The following ATP13A4 variants were observed in gnomAD, a reference collection of about 807,000 sequenced individuals.
ATP13A4 encodes the protein probable cation-transporting ATPase 13A4.
Under a neutral mutation model 142.5 loss-of-function variants are expected in ATP13A4, and 114 were observed. The observed-to-expected ratio is 0.80, with a 90% confidence interval of 0.69 to 0.93. The LOEUF is 0.93. ATP13A4 is among the 40% of genes least tolerant of loss of function. ATP13A4 has a pLI of 0.00. For synonymous variants in ATP13A4, 488 were observed against 514.8 expected (o/e 0.95, Z 0.70); for missense variants, 1,392 against 1,454.0 (o/e 0.96, Z 0.69).
intron 21 of ATP13A4, 108 bp from the exon 22 acceptor site, chr3:193,439,173 T>A: frequency 1.7e-6 from 2 of 1,191,704 alleles, no homozygotes; most frequent in Non-Finnish European, 2.5e-6. Context: ...ACTCATTATT[T>A]AAGGGAATTT....
In ATP13A4 at chr3:193,580,874, T is replaced by C. The variant is rs34409686; in HGVS notation, n.291+833A>G. Among the ~76,000 whole-genome samples, 675 of 152,240 alleles carry C rather than the reference T, an allele frequency of 4.4e-3. 7 individuals are homozygous for C. The highest frequency in any genetic ancestry group is 0.01 in the Middle Eastern group (3 of 294). ...GCTTTTAATGATGGGAAGGTTGAAA[T>C]AGAGTGAAGAAAAGCAGTGTTGTGC... On this transcript the variant is annotated intron_variant and non_coding_transcript_variant, in intron 2 of 3. Coordinates refer to the ATP13A4 transcript ENST00000489140.
chr3:193,581,559 G>C lies in ATP13A4; in HGVS notation n.291+148C>G, dbSNP rs192493943. 487 of 152,290 alleles carry C rather than the reference G, an allele frequency of 3.2e-3. 4 individuals are homozygous for C. The highest frequency in any genetic ancestry group is 5.0e-3 in the South Asian group (24 of 4,820). The allele number at this position is 152,290 out of a possible 1,614,324, so 9.4% of individuals were successfully genotyped here. ...TAATTCCTTATGCTTAGTAGTCACA[G>C]GTAATCTCTGAAGTCCCCCAAATTC... is the stretch of plus-strand genomic sequence containing the variant. On this transcript the variant is annotated intron_variant and non_coding_transcript_variant, in intron 2 of 3. Coordinates refer to the ATP13A4 transcript ENST00000489140.
intron 17 of ATP13A4, among the ~76,000 whole-genome samples, chr3:193,453,726 C>T (rs1231685708): frequency 6.6e-6 from 1 of 151,640 alleles, no homozygotes; most frequent in Non-Finnish European, 1.5e-5. Flanking sequence ...TAATTCCCAA[C>T]CAATCCACCA....
At chr3:193,527,288 T>C (rs1470992819) in intron 1 of ATP13A4, among the ~76,000 whole-genome samples, 1 of 152,006 alleles carries the variant, frequency 6.6e-6, no homozygotes, top group Non-Finnish European at 1.5e-5. Flanking sequence ...TGATAGTGAG[T>C]GAGATCTCAC....
At chr3:193,574,197 T>C (rs1273036228) in intron 2 of ATP13A4, among the ~76,000 whole-genome samples, 1 of 152,120 alleles carries the variant, frequency 6.6e-6, no homozygotes, top group African/African-American at 2.4e-5. Context: ...AAATTACATA[T>C]AAAAAAGAAA....
At chr3:193,468,806 G>T (rs1171962635) in intron 9 of ATP13A4, among the ~76,000 whole-genome samples, 1 of 152,196 alleles carries the variant, frequency 6.6e-6, no homozygotes, top group African/African-American at 2.4e-5. Flanking sequence ...GTTTGTATTG[G>T]CAGGTCATAG....
At chr3:193,420,660 AG>A (rs1343080345) in intron 25 of ATP13A4, among the ~76,000 whole-genome samples, 71 of 149,932 alleles carry the variant, frequency 4.7e-4, no homozygotes, top group Admixed American at 2.1e-4. Context: ...TAGGAAAATT[AG>A]GAGAAGAGTT....
chr3:193,491,039 A>G (rs9863516), intron 6 of ATP13A4, among the ~76,000 whole-genome samples: 47,026 of 152,090 alleles, frequency 0.31, 7,349 homozygotes, highest in South Asian at 0.38. Context: ...AAGTTAAAAC[A>G]AGTTAAGCAG....
intron 1 of ATP13A4, chr3:193,553,601 G>C (rs1723715657): frequency 6.6e-6 from 1 of 152,174 alleles, no homozygotes; most frequent in African/African-American, 2.4e-5. Flanking sequence ...ATTTGTGGAG[G>C]GGCTGAAGGC....
At chr3:193,539,681 C>T (rs1396552215) in intron 1 of ATP13A4, among the ~76,000 whole-genome samples, 1 of 152,082 alleles carries the variant, frequency 6.6e-6, no homozygotes, top group Non-Finnish European at 1.5e-5. Context: ...ACCTGCTCAC[C>T]ATGGAACACA....
At chr3:193,517,511 C>T (rs184395633) in intron 1 of ATP13A4, among the ~76,000 whole-genome samples, 91 of 152,312 alleles carry the variant, frequency 6.0e-4, no homozygotes, top group African/African-American at 2.1e-3. Flanking sequence ...GACGGAGTTT[C>T]GCTCTGTCGC....
chr3:193,528,949 C>G (rs559811427), intron 1 of ATP13A4, among the ~76,000 whole-genome samples: 1 of 152,080 alleles, frequency 6.6e-6, no homozygotes, highest in African/African-American at 2.4e-5. Context: ...ATGGACCTAC[C>G]GATGTCCTCT....
At position 193,483,933 on chromosome 3, in the gene ATP13A4, T is replaced by TA; in HGVS notation, c.808+2dup. 6.3e-7 allele frequency: 1 copy of TA among 1,583,290 alleles called. No homozygotes were observed. The highest frequency in any genetic ancestry group is 8.7e-7 in the Non-Finnish European group (1 of 1,152,134). On this transcript the variant is annotated splice_region_variant and intron_variant, in intron 8 of 29. Coordinates refer to ENST00000342695, the MANE Select transcript of ATP13A4 (RefSeq NM_032279.4). Reference sequence around the variant, plus strand: ...CATATAGATCTAAAATAATGGAACTTACCTTTTCTCCCACATACAGAGACC... The same window carrying TA: ...CATATAGATCTAAAATAATGGAACTTAACCTTTTCTCCCACATACAGAGACC...
At chr3:193,478,024 TA>T (rs1307950931) in intron 8 of ATP13A4, among the ~76,000 whole-genome samples, 2 of 151,560 alleles carry the variant, frequency 1.3e-5, no homozygotes, top group Non-Finnish European at 2.9e-5. Context: ...GCCAAAGAAA[TA>T]AAAAACCTAA....
intron 1 of ATP13A4, among the ~76,000 whole-genome samples, chr3:193,582,614 T>C (rs1390700633): frequency 9.7e-6 from 1 of 103,374 alleles, no homozygotes. Context: ...TACATGTATA[T>C]TATATATGTA....
At chr3:193,416,638 G>A (rs1715077562) in intron 25 of ATP13A4, among the ~76,000 whole-genome samples, 1 of 151,892 alleles carries the variant, frequency 6.6e-6, no homozygotes, top group Non-Finnish European at 1.5e-5. Flanking sequence ...AAGAATCAGT[G>A]AACTTGAAGG....
Position 193,465,569 on chromosome 3 carries a change from C to T in ATP13A4, c.1273-441G>A, listed in dbSNP as rs187292525. Among the ~76,000 whole-genome samples the T allele has an allele frequency of 2.6e-4, 38 of 147,896 alleles. 1 individual carries two copies. The East Asian group carries it at 6.0e-3, about 23-fold the overall frequency. On this transcript the variant is annotated intron_variant, in intron 11 of 29. Coordinates refer to ENST00000342695, the MANE Select transcript of ATP13A4 (RefSeq NM_032279.4). The stretch of plus-strand genomic sequence containing the variant: ...TAAAGGCATGACCATGTTTATAGCT[C>T]TCACTATCTTTCACCAAATAGCAAT...
At chr3:193,538,712 T>C (rs1722718320) in intron 1 of ATP13A4, among the ~76,000 whole-genome samples, 1 of 151,702 alleles carries the variant, frequency 6.6e-6, no homozygotes, top group African/African-American at 2.4e-5. Context: ...ATATTAATAA[T>C]ATGAGACCAA....
At chr3:193,492,126 A>C (rs1719978249) in intron 5 of ATP13A4, among the ~76,000 whole-genome samples, 1 of 152,174 alleles carries the variant, frequency 6.6e-6, no homozygotes, top group Non-Finnish European at 1.5e-5. Context: ...ATATTGTTAA[A>C]ATGAAGATTC....
Sources: allele counts gnomAD v4.1 joint callset (sites outside exome capture counted in the v4.1 genomes callset), GRCh38; gene constraint gnomAD v4.1.1; transcripts MANE v1.5; gene names NCBI Gene and HGNC (gene_info 2026-07-23, HGNC 2026-07-21).